The following PLXDC2 variants were observed in gnomAD, a reference collection of about 807,000 sequenced individuals.
PLXDC2 encodes the protein plexin domain containing 2.
PLXDC2 carries 40 observed loss-of-function variants against 68.9 expected under a neutral mutation model. That is an observed-to-expected ratio of 0.58 (90% confidence interval 0.45 to 0.76). The LOEUF is 0.76. Among genes scored for constraint, PLXDC2 ranks in the 30% least tolerant of loss-of-function variants. PLXDC2 has a pLI of 0.00. For synonymous variants in PLXDC2, 243 were observed against 234.2 expected (o/e 1.04, Z -0.34); for missense variants, 644 against 661.9 (o/e 0.97, Z 0.30).
At chr10:20,256,100 T>C (rs918586829) in intron 13 of PLXDC2, among the ~76,000 whole-genome samples, 1 of 152,044 alleles carries the variant, frequency 6.6e-6, no homozygotes, top group Non-Finnish European at 1.5e-5. Flanking sequence ...AAAGCCATTT[T>C]TCTATTCAAC....
intron 1 of PLXDC2, among the ~76,000 whole-genome samples, chr10:19,939,291 A>G (rs920006348): frequency 2.6e-5 from 4 of 152,244 alleles, no homozygotes; most frequent in Non-Finnish European, 5.9e-5. Context: ...GTAAAGCAAC[A>G]TTAGCAGTGA....
chr10:19,995,383 G>T (rs1834826755), intron 1 of PLXDC2, among the ~76,000 whole-genome samples: 1 of 152,176 alleles, frequency 6.6e-6, no homozygotes, highest in African/African-American at 2.4e-5. Context: ...GCAATGAATT[G>T]TTATAACACG....
chr10:20,208,198 A>G (rs1835018723), intron 9 of PLXDC2, among the ~76,000 whole-genome samples: 1 of 152,124 alleles, frequency 6.6e-6, no homozygotes, highest in South Asian at 2.1e-4. Context: ...CACTTCTGAT[A>G]AAGACATATC....
At chr10:20,023,944 A>T (rs1056485907) in intron 2 of PLXDC2, among the ~76,000 whole-genome samples, 1 of 152,130 alleles carries the variant, frequency 6.6e-6, no homozygotes. Flanking sequence ...AACAATTAAG[A>T]ACTCTTATAT....
At chr10:20,043,422 A>C (rs1835718524) in intron 2 of PLXDC2, 1 of 152,164 alleles carries the variant, frequency 6.6e-6, no homozygotes, top group Admixed American at 6.6e-5. Context: ...TTTGCAGGTA[A>C]TTCATTATTT....
At chr10:19,995,215 A>C (rs1469811580) in intron 1 of PLXDC2, among the ~76,000 whole-genome samples, 1 of 152,102 alleles carries the variant, frequency 6.6e-6, no homozygotes, top group Non-Finnish European at 1.5e-5. Context: ...GATTCACAAG[A>C]CTCATCATAT....
At chr10:20,177,877 G>T (rs1002899903) in intron 9 of PLXDC2, among the ~76,000 whole-genome samples, 5 of 145,320 alleles carry the variant, frequency 3.4e-5, no homozygotes, top group South Asian at 2.1e-4. Flanking sequence ...TCGTAAGTGG[G>T]TATTTTACTA....
At chr10:20,272,972 A>C (rs1835958128) in intron 13 of PLXDC2, among the ~76,000 whole-genome samples, 1 of 152,238 alleles carries the variant, frequency 6.6e-6, no homozygotes, top group African/African-American at 2.4e-5. Flanking sequence ...ATAAAAGTTA[A>C]TCCGGGTTTG....
At chr10:19,839,337 C>G (rs1188380144) in intron 1 of PLXDC2, among the ~76,000 whole-genome samples, 1 of 152,130 alleles carries the variant, frequency 6.6e-6, no homozygotes, top group Non-Finnish European at 1.5e-5. Context: ...AATTCGTAAA[C>G]ATTCTTAAAA....
At position 19,953,320 on chromosome 10, in the gene PLXDC2, G is replaced by C. The variant is rs902335086; in HGVS notation, c.113-48455G>C. 3.3e-5 allele frequency among the ~76,000 whole-genome samples: 5 copies of C among 152,182 alleles called. No individual in the cohort carries two copies. In the South Asian group the frequency reaches 1.0e-3, roughly 32 times the overall value. ...TTCAGAATAGGGACGTGGAATGAAG[G>C]GGAAGGGAAGTAGTGACATTTGATT... is the stretch of plus-strand genomic sequence containing the variant. On this transcript the variant is annotated intron_variant, in intron 1 of 13. Coordinates refer to ENST00000377252, the MANE Select transcript of PLXDC2 (RefSeq NM_032812.9).
At chr10:20,262,451 G>A (rs1351384157) in intron 13 of PLXDC2, among the ~76,000 whole-genome samples, 5 of 152,156 alleles carry the variant, frequency 3.3e-5, no homozygotes, top group Admixed American at 2.0e-4. Context: ...CTGTAGCCTC[G>A]GCAAAGTGGG....
intron 1 of PLXDC2, among the ~76,000 whole-genome samples, chr10:19,968,972 C>G (rs747147709): frequency 4.6e-5 from 7 of 152,170 alleles, no homozygotes; most frequent in Non-Finnish European, 1.0e-4. Flanking sequence ...AAGCCCTGGT[C>G]AGACACAAAT....
At chr10:20,031,431 A>AAACC (rs1434659899) in intron 2 of PLXDC2, among the ~76,000 whole-genome samples, 2 of 152,164 alleles carry the variant, frequency 1.3e-5, no homozygotes, top group Non-Finnish European at 2.9e-5. Flanking sequence ...AGCACATTAC[A>AAACC]AACCAGTCCA....
intron 13 of PLXDC2, among the ~76,000 whole-genome samples, chr10:20,245,848 G>A (rs1835587361): frequency 6.6e-6 from 1 of 152,130 alleles, no homozygotes; most frequent in African/African-American, 2.4e-5. Flanking sequence ...CTACGTATCT[G>A]GGGGGCTGAA....
intron 1 of PLXDC2, among the ~76,000 whole-genome samples, chr10:19,857,751 G>A (rs1837242053): frequency 6.6e-6 from 1 of 152,104 alleles, no homozygotes; most frequent in Admixed American, 6.5e-5. Context: ...TTCAGTGGCT[G>A]GACACGCTTG....
chr10:20,089,751 G>A (rs1833251426), intron 4 of PLXDC2, among the ~76,000 whole-genome samples: 1 of 152,138 alleles, frequency 6.6e-6, no homozygotes, highest in Admixed American at 6.5e-5. Flanking sequence ...AGAGAATAGT[G>A]CATTGACAAA....
intron 11 of PLXDC2, among the ~76,000 whole-genome samples, chr10:20,218,656 T>C (rs985565546): frequency 3.3e-5 from 5 of 152,172 alleles, no homozygotes; most frequent in African/African-American, 4.8e-5. Flanking sequence ...TTTGTAAATA[T>C]TGACAAATCT....
In PLXDC2 at chr10:19,818,815, A is replaced by G. The variant is rs752999032; in HGVS notation, c.112+1624A>G. The stretch of plus-strand genomic sequence containing the variant: ...TAATTTTCATGTACTTATTCACGGT[A>G]TGAATAGATGCTTAATAAAAACAAT... On this transcript the variant is annotated intron_variant, in intron 1 of 13. Coordinates refer to ENST00000377252, the MANE Select transcript of PLXDC2 (RefSeq NM_032812.9). 2.6e-5 allele frequency among the ~76,000 whole-genome samples: 4 copies of G among 152,178 alleles called. No homozygotes were observed. In the East Asian group the frequency reaches 5.8e-4, roughly 22 times the overall value.
At chr10:19,975,739 A>G (rs933404633) in intron 1 of PLXDC2, among the ~76,000 whole-genome samples, 1 of 152,112 alleles carries the variant, frequency 6.6e-6, no homozygotes, top group Admixed American at 6.6e-5. Context: ...TATGTCCTCT[A>G]ATAGTTTCCT....
Sources: gnomAD v4.1 joint callset for allele counts (sites outside exome capture counted in the v4.1 genomes callset) on GRCh38, gnomAD v4.1.1 for gene constraint, MANE v1.5 for transcripts, NCBI Gene and HGNC (gene_info 2026-07-23, HGNC 2026-07-21) for gene names.